DPF1: variants seen among roughly 807,000 people sequenced by gnomAD.
DPF1 encodes zinc finger protein neuro-d4.
In DPF1, 14 loss-of-function variants were observed where a neutral mutation model predicts 58.7. The ratio of observed to expected loss-of-function variants is 0.24; its 90% CI spans 0.16 to 0.37. DPF1 has a LOEUF of 0.37. DPF1 is among the 10% of genes least tolerant of loss of function. The pLI is 1.00. For missense variants in DPF1, 345 were observed against 529.9 expected (o/e 0.65, Z 3.43); for synonymous variants, 216 against 216.0 (o/e 1.00, Z 0.00).
chr19:38,216,225 G>A lies in DPF1; in HGVS notation c.813C>T (p.Asn271=), dbSNP rs754930598. The change falls in exon 9 of 12, where the codon AAC becomes AAT. Residue 271 remains asparagine (N), a synonymous_variant. Coordinates refer to ENST00000355526, the MANE Select transcript of DPF1 (RefSeq NM_001135155.3). The stretch of plus-strand genomic sequence containing the variant: ...CCCCCAGGCAGAAGTCACAGTAGCC[G>A]TTGGGGATGACAGTGCCGTCGGGCG... ...KKAPDGTVIP[N]GYCDFCLGGS... 2.1e-5 allele frequency: 34 copies of A among 1,614,196 alleles called. No homozygotes were observed. The highest frequency in any genetic ancestry group is 2.7e-5 in the African/African-American group (2 of 75,066).
intron 3 of DPF1, among the ~76,000 whole-genome samples, chr19:38,221,692 A>G (rs540490344): frequency 6.6e-6 from 1 of 152,040 alleles, no homozygotes; most frequent in South Asian, 2.1e-4. Context: ...GTTCACGCCT[A>G]TAATCCCTGC....
At chr19:38,218,795 G>T in intron 4 of DPF1, 133 bp from the exon 5 acceptor site, 1 of 1,531,970 alleles carries the variant, frequency 6.5e-7, no homozygotes, top group African/African-American at 1.4e-5. Flanking sequence ...ATGAAGTCTG[G>T]GAGGATGGTG....
chr19:38,224,151 C>G lies in DPF1; in HGVS notation c.-9G>C, dbSNP rs771622875. The G allele has an allele frequency of 3.4e-6, 5 of 1,472,426 alleles. No homozygotes were observed. The East Asian group carries it at 8.2e-5, about 24-fold the overall frequency. The allele number at this position is 1,472,426 out of a possible 1,614,324, so 91.2% of individuals were successfully genotyped here. A position where few individuals can be genotyped will look rare whatever the true frequency, so the allele number is the denominator to read the frequency against. On this transcript the variant is annotated 5_prime_UTR_variant, in exon 1 of 12. Coordinates refer to ENST00000355526, the MANE Select transcript of DPF1 (RefSeq NM_001135155.3). This position sits in a 1 kb window ranked among gnomAD's most constrained non-coding sequence, Gnocchi z 4.5. Reference sequence around the variant, plus strand: ...GGGATGACAGTGGCCATCTTGCTCCCCGGGTCCTGCCCCCAGCAGGTCCCC... The same window carrying G: ...GGGATGACAGTGGCCATCTTGCTCCGCGGGTCCTGCCCCCAGCAGGTCCCC...
Position 38,216,347 on chromosome 19 carries a change from C to A in DPF1, c.778+6G>T. 1.2e-6 allele frequency: 2 copies of A among 1,604,208 alleles called. No individual in the cohort carries two copies. Among genetic ancestry groups the A allele is most frequent in the Non-Finnish European group, 8.5e-7 (1 of 1,174,214 alleles). On this transcript the variant is annotated splice_donor_region_variant and intron_variant, in intron 8 of 11. Transcript: ENST00000355526. Reference sequence around the variant, plus strand: ...AGACTTTAGGAGCAGAAGGAGGCATCCGTACCTGTGTGTTTCCTTTGTGCC... The same window carrying A: ...AGACTTTAGGAGCAGAAGGAGGCATACGTACCTGTGTGTTTCCTTTGTGCC...
In DPF1 at chr19:38,212,369, G is replaced by A. The variant is rs1224617646; in HGVS notation, c.1012-8C>T. 1 of 1,457,372 alleles carries A rather than the reference G, an allele frequency of 6.9e-7. No homozygotes were observed. 90.3% of individuals were successfully genotyped at this position (1,457,372 alleles called of 1,614,324 possible). A position where few individuals can be genotyped will look rare whatever the true frequency, so the allele number is the denominator to read the frequency against. ...ACAAAACAGCAGCTGGTCCTGGGGGGTGAGACCCGCCCAGCTGGCACCCTG... is the reference window on the plus strand; with the variant it reads ...ACAAAACAGCAGCTGGTCCTGGGGGATGAGACCCGCCCAGCTGGCACCCTG... On this transcript the variant is annotated splice_polypyrimidine_tract_variant and splice_region_variant and intron_variant, in intron 10 of 11. Transcript: ENST00000355526.
intron 9 of DPF1, among the ~76,000 whole-genome samples, chr19:38,214,300 C>T (rs965721845): frequency 6.6e-6 from 1 of 152,230 alleles, no homozygotes; most frequent in Non-Finnish European, 1.5e-5. Context: ...CAGCGCCAGG[C>T]TTAGTCATTC....
At position 38,211,680 on chromosome 19, in the gene DPF1, T is replaced by G; in HGVS notation, c.*383A>C. 5.6e-6 allele frequency: 1 copy of G among 177,600 alleles called. No homozygotes were observed. Among genetic ancestry groups the G allele is most frequent in the African/African-American group, 2.4e-5 (1 of 42,150 alleles). The allele number at this position is 177,600 out of a possible 1,614,324, so 11.0% of individuals were successfully genotyped here. A position where few individuals can be genotyped will look rare whatever the true frequency, so the allele number is the denominator to read the frequency against. On this transcript the variant is annotated 3_prime_UTR_variant, in exon 12 of 12. Coordinates refer to ENST00000355526, the MANE Select transcript of DPF1 (RefSeq NM_001135155.3). This position sits in a 1 kb window ranked among gnomAD's most constrained non-coding sequence, Gnocchi z 4.0. ...CAGGCCTTGGAGGACTCTTTGTATA[T>G]ATTAACTTCTTTTCTTTTCTTCTTT...
At position 38,222,394 on chromosome 19, in the gene DPF1, C is replaced by T. The variant is rs143882522; in HGVS notation, c.261G>A (p.Leu87=). Residue 87 remains leucine, a synonymous_variant, in exon 3 of 12, where the codon CTG becomes CTA. Transcript: ENST00000355526. This position sits in a 1 kb window ranked among gnomAD's most constrained non-coding sequence, Gnocchi z 4.9. ...CGCAGGGCCTGAGTCTGGGGTCCTCCAGGATGTTGAGTCTCCGTTTCTTCC... is the reference window on the plus strand; with the variant it reads ...CGCAGGGCCTGAGTCTGGGGTCCTCTAGGATGTTGAGTCTCCGTTTCTTCC... ...CWRKKRRLNI[L]EDPRLRPCEY... 6.6e-5 allele frequency: 105 copies of T among 1,588,514 alleles called. No homozygotes were observed. The highest frequency in any genetic ancestry group is 8.3e-5 in the Non-Finnish European group (97 of 1,173,384).
In DPF1 at chr19:38,212,020, G is replaced by C. The variant is rs1973462324; in HGVS notation, c.*43C>G. The C allele has an allele frequency of 1.9e-6, 3 of 1,591,132 alleles. No individual in the cohort carries two copies. Among genetic ancestry groups the C allele is most frequent in the Non-Finnish European group, 2.6e-6 (3 of 1,169,062 alleles). On this transcript the variant is annotated 3_prime_UTR_variant, in exon 12 of 12. Coordinates refer to ENST00000355526, the MANE Select transcript of DPF1 (RefSeq NM_001135155.3). ...GAGAATTGAGGAGCTCGGAGAGGCA[G>C]GTAGGCGAGCACCACCCCAGAGTCG...
upstream of DPF1, among the ~76,000 whole-genome samples, chr19:38,227,523 A>G (rs1967882019): frequency 1.3e-5 from 2 of 151,766 alleles, no homozygotes; most frequent in South Asian, 4.2e-4. Context: ...GGCCCAAACA[A>G]TCCTCCTGCC....
chr19:38,216,949 C>T (rs1375740779), intron 7 of DPF1, among the ~76,000 whole-genome samples: 1 of 152,208 alleles, frequency 6.6e-6, no homozygotes, highest in Non-Finnish European at 1.5e-5. Flanking sequence ...AAACTCCGAA[C>T]ACTGAGGTGC....
chr19:38,222,958 A>C lies in DPF1; in HGVS notation c.30-250T>G. ...GAAACACGATACAGAAACAAACAAAAACACACCGGGACGTATCCCTACCTG... is the reference window on the plus strand; with the variant it reads ...GAAACACGATACAGAAACAAACAAACACACACCGGGACGTATCCCTACCTG... On this transcript the variant is annotated intron_variant, in intron 1 of 11. Transcript: ENST00000355526. The surrounding 1 kb of genome is among the most constrained non-coding windows in gnomAD (Gnocchi z 4.9). The C allele has an allele frequency of 4.0e-6, 2 of 501,288 alleles. No individual in the cohort carries two copies. The highest frequency in any genetic ancestry group is 3.0e-5 in the South Asian group (1 of 33,446). 31.1% of individuals were successfully genotyped at this position (501,288 alleles called of 1,614,324 possible).
Position 38,229,353 on chromosome 19 carries a change from G to A in DPF1, c.-132+206C>T, listed in dbSNP as rs2146239588. On this transcript the variant is annotated intron_variant, in intron 1 of 11. Transcript: ENST00000412732. The surrounding 1 kb of genome is among the most constrained non-coding windows in gnomAD (Gnocchi z 5.3). ...CTTCACTGACAGCGACAAAGAAGAGGCGCCCCCGCGACCCTGGAGGGGCTC... is the reference window on the plus strand; with the variant it reads ...CTTCACTGACAGCGACAAAGAAGAGACGCCCCCGCGACCCTGGAGGGGCTC... 6.6e-6 allele frequency among the ~76,000 whole-genome samples: 1 copy of A among 152,126 alleles called. No individual in the cohort carries two copies. The highest frequency in any genetic ancestry group is 2.4e-5 in the African/African-American group (1 of 41,554).
Position 38,222,779 on chromosome 19 carries a change from C to T in DPF1, c.30-71G>A, listed in dbSNP as rs1459219027. ...GCACAGGGTCGCCCAGCACCCCTTC[C>T]CCGGCTGCCGGGCCGCCCAGGCTCG... On this transcript the variant is annotated intron_variant, in intron 1 of 11. Coordinates refer to ENST00000355526, the MANE Select transcript of DPF1 (RefSeq NM_001135155.3). The surrounding 1 kb of genome is among the most constrained non-coding windows in gnomAD (Gnocchi z 4.9). 4.2e-6 allele frequency: 6 copies of T among 1,436,232 alleles called. No homozygotes were observed. The highest frequency in any genetic ancestry group is 3.0e-5 in the African/African-American group (2 of 67,146). The allele number at this position is 1,436,232 out of a possible 1,614,324, so 89.0% of individuals were successfully genotyped here.
At chr19:38,223,578 A>G (rs1361925870) in intron 1 of DPF1, among the ~76,000 whole-genome samples, 1 of 152,150 alleles carries the variant, frequency 6.6e-6, no homozygotes, top group African/African-American at 2.4e-5. Flanking sequence ...AGCCCTACAT[A>G]CCCAAAAACA....
rs776495311 is a variant in DPF1 at position 38,222,725 on chromosome 19, C to T, written c.30-17G>A. On this transcript the variant is annotated splice_polypyrimidine_tract_variant and intron_variant, in intron 1 of 11. Transcript: ENST00000355526. The surrounding 1 kb of genome is among the most constrained non-coding windows in gnomAD (Gnocchi z 4.9). ...TCGCCTAGGCTAGAGGGGCGGCGAACGGGCGGGCGGCTGTCAGCAAGGGCA... is the reference window on the plus strand; with the variant it reads ...TCGCCTAGGCTAGAGGGGCGGCGAATGGGCGGGCGGCTGTCAGCAAGGGCA... 75 of 1,566,100 alleles carry T rather than the reference C, an allele frequency of 4.8e-5. No homozygotes were observed. The highest frequency in any genetic ancestry group is 6.3e-5 in the Non-Finnish European group (73 of 1,155,764).
chr19:38,223,701 C>G (rs1967666120), intron 1 of DPF1: 1 of 162,484 alleles, frequency 6.2e-6, no homozygotes, highest in East Asian at 1.8e-4. Flanking sequence ...CATGTCCACA[C>G]ACCTATCCCC....
upstream of DPF1, among the ~76,000 whole-genome samples, chr19:38,226,054 C>T (rs548737694): frequency 5.9e-5 from 9 of 152,198 alleles, no homozygotes; most frequent in East Asian, 1.2e-3. Flanking sequence ...CATGCCCTGG[C>T]GGCTCTTTGA....
Position 38,229,495 on chromosome 19 carries a change from G to A in DPF1, c.-132+64C>T. ...GCGTCCCCCTCCTCAGCCCCAGGGC[G>A]GGCGGGGGAAGGGCTCCTGGTGGGG... On this transcript the variant is annotated intron_variant, in intron 1 of 11. Coordinates refer to the DPF1 transcript ENST00000412732. The surrounding 1 kb of genome is among the most constrained non-coding windows in gnomAD (Gnocchi z 5.3). 1.0e-6 allele frequency: 1 copy of A among 984,702 alleles called. No individual in the cohort carries two copies. The highest frequency in any genetic ancestry group is 1.3e-6 in the Non-Finnish European group (1 of 780,968). The allele number at this position is 984,702 out of a possible 1,614,324, so 61.0% of individuals were successfully genotyped here.
Sources: allele counts gnomAD v4.1 joint callset (sites outside exome capture counted in the v4.1 genomes callset), GRCh38; gene constraint gnomAD v4.1.1; non-coding constraint Gnocchi (gnomAD v3.1); transcripts MANE v1.5; gene names NCBI Gene and HGNC (gene_info 2026-07-23, HGNC 2026-07-21).